The following FAM169A variants were observed in gnomAD, a reference collection of about 807,000 sequenced individuals.
FAM169A encodes soluble lamin-associated protein of 75 kDa.
In FAM169A, 24 loss-of-function variants were observed where a neutral mutation model predicts 75.7. That is an observed-to-expected ratio of 0.32 (90% CI 0.23 to 0.45). The LOEUF is 0.45. FAM169A is among the 20% of genes least tolerant of loss of function. FAM169A has a pLI of 1.00. For synonymous variants in FAM169A, 271 were observed against 271.0 expected (o/e 1.00, Z 0.00); for missense variants, 673 against 784.0 (o/e 0.86, Z 1.69).
intron 4 of FAM169A, among the ~76,000 whole-genome samples, chr5:74,838,262 T>G (rs886462085): frequency 1.3e-5 from 2 of 152,172 alleles, no homozygotes; most frequent in African/African-American, 4.8e-5. Context: ...TCTAATGCAC[T>G]TCTACCAAGT....
At chr5:74,824,727 A>G (rs1045932934) in intron 5 of FAM169A, among the ~76,000 whole-genome samples, 16 of 151,268 alleles carry the variant, frequency 1.1e-4, no homozygotes, top group South Asian at 2.1e-4. Flanking sequence ...ACACACACAC[A>G]CATACACACA....
At chr5:74,821,201 T>C (rs997274277) in intron 5 of FAM169A, among the ~76,000 whole-genome samples, 22 of 152,226 alleles carry the variant, frequency 1.4e-4, no homozygotes, top group African/African-American at 5.1e-4. Context: ...AAAATATCTA[T>C]GACTATCTCT....
At chr5:74,822,913 C>T (rs934362978) in intron 5 of FAM169A, among the ~76,000 whole-genome samples, 2 of 152,136 alleles carry the variant, frequency 1.3e-5, no homozygotes, top group African/African-American at 4.8e-5. Context: ...CTCCACTCCC[C>T]GCCTACACAC....
intron 5 of FAM169A, among the ~76,000 whole-genome samples, chr5:74,833,425 A>C (rs889568147): frequency 6.6e-6 from 1 of 152,188 alleles, no homozygotes; most frequent in Non-Finnish European, 1.5e-5. Context: ...AGAGACAATA[A>C]AGGGCACCCA....
chr5:74,820,825 C>A (rs1747731744), intron 5 of FAM169A, among the ~76,000 whole-genome samples: 1 of 152,200 alleles, frequency 6.6e-6, no homozygotes, highest in Non-Finnish European at 1.5e-5. Flanking sequence ...AATTCAAATT[C>A]TTTCTTTGGC....
intron 1 of FAM169A, among the ~76,000 whole-genome samples, chr5:74,843,775 C>CATTT (rs1443797650): frequency 6.6e-6 from 1 of 152,168 alleles, no homozygotes; most frequent in Non-Finnish European, 1.5e-5. Context: ...TGCTGATGAA[C>CATTT]ATTTGGCTAT....
At chr5:74,853,801 G>A (rs988843530) in intron 1 of FAM169A, among the ~76,000 whole-genome samples, 4 of 146,572 alleles carry the variant, frequency 2.7e-5, no homozygotes, top group Non-Finnish European at 5.9e-5. Context: ...TCCGCCTCCC[G>A]GGTTCACGCC....
At chr5:74,803,339 T>G (rs535326881) in intron 8 of FAM169A, among the ~76,000 whole-genome samples, 1 of 152,212 alleles carries the variant, frequency 6.6e-6, no homozygotes, top group African/African-American at 2.4e-5. Context: ...AGGAGCTTAT[T>G]CTCAAGTCTG....
chr5:74,813,083 G>T (rs2112573474), intron 6 of FAM169A, among the ~76,000 whole-genome samples: 1 of 152,308 alleles, frequency 6.6e-6, no homozygotes, highest in African/African-American at 2.4e-5. Context: ...CATGCTATAT[G>T]ATTCCATTTA....
At chr5:74,841,415 T>A in intron 2 of FAM169A, 130 bp downstream of exon 2, 1 of 657,478 alleles carries the variant, frequency 1.5e-6, no homozygotes, top group Non-Finnish European at 2.4e-6. Flanking sequence ...TCCATTTTAC[T>A]GAATAGATTT....
At chr5:74,784,726 G>C (rs1317665378) in intron 11 of FAM169A, among the ~76,000 whole-genome samples, 2 of 150,466 alleles carry the variant, frequency 1.3e-5, no homozygotes, top group Non-Finnish European at 3.0e-5. Flanking sequence ...AGACCATCCT[G>C]GCTAACATGG....
At chr5:74,864,778 T>C (rs530613670) in intron 1 of FAM169A, among the ~76,000 whole-genome samples, 1 of 152,340 alleles carries the variant, frequency 6.6e-6, no homozygotes, top group East Asian at 1.9e-4. Flanking sequence ...ACGATCATGT[T>C]TTATCTTTGT....
intron 1 of FAM169A, among the ~76,000 whole-genome samples, chr5:74,842,963 CTA>C (rs1212913446): frequency 2.6e-5 from 4 of 151,824 alleles, no homozygotes; most frequent in Admixed American, 1.3e-4. Flanking sequence ...CATGAAAAAA[CTA>C]TTCCAAGCAA....
intron 4 of FAM169A, among the ~76,000 whole-genome samples, chr5:74,838,282 A>G (rs373840774): frequency 5.9e-5 from 9 of 152,038 alleles, no homozygotes; most frequent in African/African-American, 2.2e-4. Flanking sequence ...TCAGTTTCCT[A>G]TTTCTCCAAT....
chr5:74,783,270 A>C, intron 11 of FAM169A, 136 bp from the exon 12 acceptor site: 1 of 625,194 alleles, frequency 1.6e-6, no homozygotes, highest in South Asian at 2.0e-5. Flanking sequence ...CATGGGTTAA[A>C]GAACAGTCTT....
At chr5:74,819,916 G>C (rs549133659) in intron 5 of FAM169A, among the ~76,000 whole-genome samples, 2 of 151,974 alleles carry the variant, frequency 1.3e-5, no homozygotes, top group South Asian at 4.2e-4. Flanking sequence ...TTAGCGGAGG[G>C]ATGAAAATTA....
At chr5:74,840,601 G>A (rs534882089) in intron 2 of FAM169A, among the ~76,000 whole-genome samples, 51 of 151,132 alleles carry the variant, frequency 3.4e-4, no homozygotes, top group African/African-American at 8.2e-4. Flanking sequence ...AGGCCAAGGC[G>A]GGCGGATCAC....
chr5:74,857,072 G>C (rs1749747503), intron 1 of FAM169A, among the ~76,000 whole-genome samples: 1 of 136,760 alleles, frequency 7.3e-6, no homozygotes, highest in African/African-American at 2.8e-5. Flanking sequence ...TAGCACCACT[G>C]CACTCCAGCC....
intron 1 of FAM169A, among the ~76,000 whole-genome samples, chr5:74,843,877 T>A (rs997127863): frequency 6.6e-6 from 1 of 152,228 alleles, no homozygotes; most frequent in African/African-American, 2.4e-5. Context: ...GTTAGGTCTA[T>A]ATACCCAGGC....
Sources: gnomAD v4.1 joint callset for allele counts (sites outside exome capture counted in the v4.1 genomes callset) on GRCh38, gnomAD v4.1.1 for gene constraint, MANE v1.5 for transcripts, NCBI Gene and HGNC (gene_info 2026-07-23, HGNC 2026-07-21) for gene names.